ORC4: variants seen among roughly 807,000 people sequenced by gnomAD.
ORC4 encodes the protein origin recognition complex subunit 4, also known as origin recognition complex, subunit 4 homolog.
In ORC4, 55 loss-of-function variants were observed where a neutral mutation model predicts 63.9. The ratio of observed to expected loss-of-function variants is 0.86; its 90% CI spans 0.69 to 1.08. ORC4 has a LOEUF of 1.08. Among genes scored for constraint, ORC4 ranks in the 50% least tolerant of loss-of-function variants. ORC4 has a pLI of 0.00. For missense variants in ORC4, 511 were observed against 504.4 expected, an observed-to-expected ratio of 1.01 and a Z score of -0.13; for synonymous variants, 150 against 168.5, an observed-to-expected ratio of 0.89 and a Z score of 0.85.
At chr2:147,982,044 A>G (rs925289019) in intron 1 of ORC4, 2 of 152,172 alleles carry the variant, frequency 1.3e-5, no homozygotes, top group Non-Finnish European at 2.9e-5. Context: ...CAGGTAGCTA[A>G]GGCCTCAGCC....
At chr2:147,999,627 G>T (rs1464985593) in intron 1 of ORC4, among the ~76,000 whole-genome samples, 1 of 152,008 alleles carries the variant, frequency 6.6e-6, no homozygotes, top group African/African-American at 2.4e-5. Flanking sequence ...TGACCTAAAG[G>T]CAGAAGCTTG....
chr2:147,976,014 C>G (rs1690533799), intron 1 of ORC4, 39 bp from the exon 2 acceptor site: 9 of 970,738 alleles, frequency 9.3e-6, no homozygotes, highest in African/African-American at 1.6e-5. Context: ...AACGTAGTGA[C>G]TTAAAGAGAT....
chr2:147,945,992 CTTAATGAAA>C (rs1688638945), intron 9 of ORC4, among the ~76,000 whole-genome samples: 1 of 152,072 alleles, frequency 6.6e-6, no homozygotes, highest in Non-Finnish European at 1.5e-5. Context: ...GCTGGTTCTA[CTTAATGAAA>C]CTGACTATTA....
At chr2:147,976,896 A>G (rs1427296846) in intron 1 of ORC4, among the ~76,000 whole-genome samples, 2 of 149,924 alleles carry the variant, frequency 1.3e-5, no homozygotes, top group African/African-American at 4.8e-5. Flanking sequence ...TGAAAAAATT[A>G]TATTTTTTGT....
intron 1 of ORC4, among the ~76,000 whole-genome samples, chr2:147,987,942 A>T (rs1691322408): frequency 6.6e-6 from 1 of 151,726 alleles, no homozygotes. Flanking sequence ...AGTCCCAGCT[A>T]CTTGGGAGGC....
chr2:147,996,365 C>A (rs567721536), intron 1 of ORC4, among the ~76,000 whole-genome samples: 5 of 152,162 alleles, frequency 3.3e-5, no homozygotes, highest in Admixed American at 2.0e-4. Flanking sequence ...ATCTAGGTGA[C>A]CTTGGTTATG....
intron 2 of ORC4, 96 bp from the exon 3 acceptor site, chr2:147,973,620 T>C: frequency 1.4e-6 from 1 of 716,446 alleles, no homozygotes; most frequent in Non-Finnish European, 2.4e-6. Context: ...GAATTAGGTA[T>C]TAATGAATCA....
chr2:147,953,735 T>C (rs1320586527), intron 7 of ORC4, among the ~76,000 whole-genome samples: 2 of 152,180 alleles, frequency 1.3e-5, no homozygotes, highest in Non-Finnish European at 2.9e-5. Flanking sequence ...ACTTCAATAA[T>C]GGAAACAACT....
At chr2:147,994,851 CCT>C (rs1691843633) in intron 1 of ORC4, among the ~76,000 whole-genome samples, 1 of 152,182 alleles carries the variant, frequency 6.6e-6, no homozygotes, top group African/African-American at 2.4e-5. Context: ...ATGGTGAAAC[CCT>C]GTCTCTACTA....
chr2:147,948,247 T>G, intron 8 of ORC4, 23 bp from the exon 9 acceptor site: 2 of 1,530,744 alleles, frequency 1.3e-6, no homozygotes, highest in Non-Finnish European at 1.8e-6. Flanking sequence ...CAGAAATCTC[T>G]ATAAGGAAGA....
chr2:147,932,923 T>C lies in ORC4; in HGVS notation c.*2587A>G, dbSNP rs1687849699. On this transcript the variant is annotated 3_prime_UTR_variant, in exon 14 of 14. Transcript: ENST00000392857. ...GTGTTTTCTGCAAAACGTGATTCATTAGGACATTAACAGGTATTACGTTTT... is the reference window on the plus strand; with the variant it reads ...GTGTTTTCTGCAAAACGTGATTCATCAGGACATTAACAGGTATTACGTTTT... 6.6e-6 allele frequency: 1 copy of C among 152,078 alleles called. No individual in the cohort carries two copies. Among genetic ancestry groups the C allele is most frequent in the South Asian group, 2.1e-4 (1 of 4,832 alleles). 9.4% of individuals were successfully genotyped at this position (152,078 alleles called of 1,614,324 possible). A position where few individuals can be genotyped will look rare whatever the true frequency, so the allele number is the denominator to read the frequency against.
intron 1 of ORC4, among the ~76,000 whole-genome samples, chr2:148,011,962 GAA>G (rs201564219): frequency 0.01 from 1,559 of 151,992 alleles, 35 homozygotes; most frequent in African/African-American, 0.035. Flanking sequence ...ACAAACAAAT[GAA>G]AAGACATCCC....
chr2:147,975,495 G>A (rs1690494996), intron 2 of ORC4, among the ~76,000 whole-genome samples: 1 of 53,726 alleles, frequency 1.9e-5, no homozygotes, highest in South Asian at 1.0e-3. Context: ...GGGCAATTAG[G>A]CAAGAAAAGG....
At chr2:147,939,286 A>C in intron 10 of ORC4, 38 bp from the exon 11 acceptor site, 1 of 1,311,738 alleles carries the variant, frequency 7.6e-7, no homozygotes, top group Non-Finnish European at 1.1e-6. Context: ...TTACGTATTT[A>C]CATGGGCATT....
intron 1 of ORC4, among the ~76,000 whole-genome samples, chr2:147,992,707 G>A (rs1691695945): frequency 6.6e-6 from 1 of 152,070 alleles, no homozygotes; most frequent in South Asian, 2.1e-4. Flanking sequence ...GATACTGCTA[G>A]GGCTAAGGAA....
At chr2:147,960,191 T>C (rs1452508278) in intron 4 of ORC4, 1 of 855,602 alleles carries the variant, frequency 1.2e-6, no homozygotes, top group Non-Finnish European at 1.4e-6. Flanking sequence ...ATTTTATATA[T>C]GCATAAGGAG....
At chr2:147,964,279 A>G (rs1370936574) in intron 4 of ORC4, among the ~76,000 whole-genome samples, 2 of 152,178 alleles carry the variant, frequency 1.3e-5, no homozygotes, top group Admixed American at 6.5e-5. Context: ...ACAAACAGAA[A>G]TCCTACAGCT....
chr2:147,975,763 C>T (rs778886245), intron 2 of ORC4, 139 bp downstream of exon 2: 17 of 682,516 alleles, frequency 2.5e-5, no homozygotes, highest in South Asian at 1.1e-4. Context: ...GTTAAGGTCT[C>T]GTACTGATAT....
chr2:147,990,757 A>G (rs927807393), intron 1 of ORC4, among the ~76,000 whole-genome samples: 2 of 152,230 alleles, frequency 1.3e-5, no homozygotes, highest in African/African-American at 4.8e-5. Context: ...ACACATTCAG[A>G]TTAAATGATT....
Sources: gnomAD v4.1 joint callset for allele counts (sites outside exome capture counted in the v4.1 genomes callset) on GRCh38, gnomAD v4.1.1 for gene constraint, MANE v1.5 for transcripts, NCBI Gene and HGNC (gene_info 2026-07-23, HGNC 2026-07-21) for gene names.